DCHS1: variants seen among roughly 807,000 people sequenced by gnomAD.
DCHS1 encodes the protein dachsous cadherin-related 1.
Under a neutral mutation model 213.9 loss-of-function variants are expected in DCHS1, and 78 were observed. The ratio of observed to expected loss-of-function variants is 0.36; its 90% CI spans 0.30 to 0.44. The LOEUF is 0.44. Ranked by LOEUF, DCHS1 falls within the 20% of genes least tolerant of loss-of-function variation. The pLI, the probability that DCHS1 is intolerant of heterozygous loss-of-function variation, is 1.00. For synonymous variants in DCHS1, 1,828 were observed against 1,873.7 expected (o/e 0.98, Z 0.63); for missense variants, 3,946 against 4,395.9 (o/e 0.90, Z 2.89).
rs372381504 is a variant in DCHS1 at position 6,630,822 on chromosome 11, G to A, written c.3972C>T (p.Leu1324=). 10 of 1,533,198 alleles carry A rather than the reference G, an allele frequency of 6.5e-6. No individual in the cohort carries two copies. The highest frequency in any genetic ancestry group is 1.4e-5 in the African/African-American group (1 of 72,754). 95.0% of individuals were successfully genotyped at this position (1,533,198 alleles called of 1,614,324 possible). A position where few individuals can be genotyped will look rare whatever the true frequency, so the allele number is the denominator to read the frequency against. The stretch of plus-strand genomic sequence containing the variant: ...CTGGTGCCGCTGGGTCCCGCTCTGC[G>A]AGATCTGGGGGCGGCTCGGCCAAGC... ...SARLAEPPPD[L]AERDPAAPVP... is the part of the protein sequence containing the mutation. The change falls in exon 10 of 21, where the codon CTC becomes CTT. Residue 1324 remains leucine, a synonymous_variant. Transcript: ENST00000299441.
chr11:6,623,964 G>A lies in DCHS1; in HGVS notation c.7712C>T (p.Thr2571Ile). 6.2e-7 allele frequency: 1 copy of A among 1,609,456 alleles called. No individual in the cohort carries two copies. Among genetic ancestry groups the A allele is most frequent in the Admixed American group, 1.7e-5 (1 of 59,926 alleles). ...DFESLTQYNL[T>I]VAAADRGQPP... ...CTGCCCACGGTCAGCTGCAGCCACT[G>A]TTAGATTGTACTGTGTCAGGCTTTC... Residue 2571 changes from threonine to isoleucine, a missense_variant, in exon 21 of 21, where the codon ACA becomes ATA. Thr to Ile is a moderately conservative substitution (Grantham distance 89, BLOSUM62 -1). This residue lies in a region of DCHS1 where 3,384 missense variants were observed against 3,780.1 expected (regional missense o/e 0.90). Coordinates refer to ENST00000299441, the MANE Select transcript of DCHS1 (RefSeq NM_003737.4).
Position 6,630,047 on chromosome 11 carries a change from G to T in DCHS1, c.4747C>A (p.Arg1583=), listed in dbSNP as rs148882462. 4 of 1,559,974 alleles carry T rather than the reference G, an allele frequency of 2.6e-6. No homozygotes were observed. The highest frequency in any genetic ancestry group is 3.5e-6 in the Non-Finnish European group (4 of 1,149,720). Reference sequence around the variant, plus strand: ...TGGCCGTCCCCGCCAGATGCCAGCCGATAGGACACGCGTGCAGCCTCGCCC... The same window carrying T: ...TGGCCGTCCCCGCCAGATGCCAGCCTATAGGACACGCGTGCAGCCTCGCCC... The part of the protein sequence containing the change: ...DLGEAARVSY[R]LASGGDGHFR... Residue 1583 remains arginine (R), a synonymous_variant, in exon 10 of 21, where the codon CGG becomes AGG. Transcript: ENST00000299441.
chr11:6,629,458 G>A lies in DCHS1; in HGVS notation c.5155C>T (p.Leu1719=). The A allele has an allele frequency of 6.2e-7, 1 of 1,612,988 alleles. No homozygotes were observed. Among genetic ancestry groups the A allele is most frequent in the Non-Finnish European group, 8.5e-7 (1 of 1,179,482 alleles). ...LDREEQEEIN[L]TVYAQDRGSP... ...GGGTCCTGTCAACATGTACCTGTCA[G>A]GTTGATCTCCTCCTGTTCCTCTCGA... The change falls in exon 12 of 21, where the codon CTG becomes TTG. Residue 1719 remains leucine (L), a synonymous_variant. Coordinates refer to ENST00000299441, the MANE Select transcript of DCHS1 (RefSeq NM_003737.4).
At position 6,623,697 on chromosome 11, in the gene DCHS1, C is replaced by G. The variant is rs777817641; in HGVS notation, c.7979G>C (p.Arg2660Pro). ...CTCACAGTCCAGGGCATGGGCCAGT[C>G]GCAAGGTGCCTGAGCTCTCATCCAG... The part of the protein sequence containing the change: ...FELDESSGTL[R>P]LAHALDCETQ... Residue 2660 changes from arginine to proline, a missense_variant, in exon 21 of 21, where the codon CGA (arginine) becomes CCA (proline). Physicochemically the swap from Arg to Pro is moderately radical, Grantham distance 103. Transcript: ENST00000299441. The G allele has an allele frequency of 6.2e-7, 1 of 1,613,674 alleles. No individual in the cohort carries two copies. Among genetic ancestry groups the G allele is most frequent in the Non-Finnish European group, 8.5e-7 (1 of 1,179,888 alleles).
At chr11:6,643,883 G>T (rs1423010185) in intron 1 of DCHS1, among the ~76,000 whole-genome samples, 2 of 152,096 alleles carry the variant, frequency 1.3e-5, no homozygotes, top group Admixed American at 6.5e-5. Context: ...ATCCATCCAG[G>T]TGTCCAACTA....
At chr11:6,654,780 C>T (rs572692983) in intron 1 of DCHS1, among the ~76,000 whole-genome samples, 1 of 152,218 alleles carries the variant, frequency 6.6e-6, no homozygotes, top group East Asian at 1.9e-4. Context: ...ACATAAGCGA[C>T]AATATTTTTC....
chr11:6,624,508 C>G, intron 20 of DCHS1, 118 bp from the exon 21 acceptor site: 2 of 1,328,248 alleles, frequency 1.5e-6, no homozygotes, highest in African/African-American at 2.9e-5. Flanking sequence ...AATGGCCTAT[C>G]TGCTGGGAGA....
intron 19 of DCHS1, 81 bp from the exon 20 acceptor site, chr11:6,624,949 C>T (rs953123693): frequency 3.8e-6 from 6 of 1,574,836 alleles, no homozygotes; most frequent in Non-Finnish European, 5.2e-6. Context: ...AGCTTGGTTC[C>T]TTGTGCCCTG....
chr11:6,624,938 G>A, intron 19 of DCHS1, 70 bp from the exon 20 acceptor site: 5 of 1,591,666 alleles, frequency 3.1e-6, no homozygotes, highest in Non-Finnish European at 4.3e-6. Flanking sequence ...GCCTGTTCTG[G>A]AGCTTGGTTC....
Position 6,633,957 on chromosome 11 carries a change from G to C in DCHS1, c.2050C>G (p.Gln684Glu). 1 of 1,614,020 alleles carries C rather than the reference G, an allele frequency of 6.2e-7. No individual in the cohort carries two copies. Among genetic ancestry groups the C allele is most frequent in the Non-Finnish European group, 8.5e-7 (1 of 1,179,892 alleles). The change falls in exon 4 of 21, where the codon CAG becomes GAG. Residue 684 changes from glutamine (Q) to glutamate (E), a missense_variant. Around this residue, in one of 3 missense-constraint regions of DCHS1, gnomAD observed 3,384 missense variants for 3,780.1 expected, o/e 0.90. Transcript: ENST00000299441. ...FLSDENDNPP[Q>E]FYPREYAASI... ...GCAGCATACTCCCGTGGATAAAACT[G>C]AGGAGGGTTGTCATTCTCGTCTGAC... is the stretch of plus-strand genomic sequence containing the variant.
Position 6,634,017 on chromosome 11 carries a change from C to T in DCHS1, c.1990G>A (p.Gly664Ser). 6.2e-7 allele frequency: 1 copy of T among 1,613,582 alleles called. No homozygotes were observed. The highest frequency in any genetic ancestry group is 8.5e-7 in the Non-Finnish European group (1 of 1,179,640). The change falls in exon 4 of 21, where the codon GGC becomes AGC. Residue 664 changes from glycine to serine, a missense_variant. Physicochemically the swap from Gly to Ser is moderately conservative, Grantham distance 56 (BLOSUM62 0). Transcript: ENST00000299441. ...TTCACATATACCATGGACTTGAGGC[C>T]TCCCTGGTGGGACATGCAGCCATAG... ...DFTVTAVDGG[G>S]LKSMVYVKVF...
Position 6,626,048 on chromosome 11 carries a change from G to A in DCHS1, c.6603C>T (p.Gly2201=). ...LQVEADDLDQ[G]SGGQISYSLA... ...GACTGTAGGAAATCTGTCCTCCAGA[G>A]CCTTGATCCAGGTCATCCGCCTCCA... Residue 2201 remains glycine, a synonymous_variant, in exon 17 of 21, where the codon GGC becomes GGT. Transcript: ENST00000299441. The surrounding 1 kb of genome is among the most constrained non-coding windows in gnomAD (Gnocchi z 5.2). The A allele has an allele frequency of 6.2e-7, 1 of 1,611,684 alleles. No individual in the cohort carries two copies. Among genetic ancestry groups the A allele is most frequent in the Non-Finnish European group, 8.5e-7 (1 of 1,178,944 alleles).
At position 6,628,875 on chromosome 11, in the gene DCHS1, A is replaced by G; in HGVS notation, c.5162-45T>C. The G allele has an allele frequency of 6.4e-7, 1 of 1,571,092 alleles. No individual in the cohort carries two copies. The highest frequency in any genetic ancestry group is 2.3e-5 in the East Asian group (1 of 43,098). The stretch of plus-strand genomic sequence containing the variant: ...ATGAGGTCTAGTCTGCCCTCACCAC[A>G]TGGAGAAATCCACACCACACAGTGT... On this transcript the variant is annotated intron_variant, in intron 12 of 20. Coordinates refer to ENST00000299441, the MANE Select transcript of DCHS1 (RefSeq NM_003737.4). The surrounding 1 kb of genome is among the most constrained non-coding windows in gnomAD (Gnocchi z 4.3).
At chr11:6,653,573 A>T (rs1444308911) in intron 1 of DCHS1, among the ~76,000 whole-genome samples, 1 of 152,190 alleles carries the variant, frequency 6.6e-6, no homozygotes, top group Admixed American at 6.5e-5. Flanking sequence ...TGGGGTAATG[A>T]GTGTGAAGAA....
chr11:6,626,894 A>G lies in DCHS1; in HGVS notation c.6145T>C (p.Ser2049Pro). The G allele has an allele frequency of 6.2e-7, 1 of 1,613,514 alleles. No individual in the cohort carries two copies. Among genetic ancestry groups the G allele is most frequent in the Non-Finnish European group, 8.5e-7 (1 of 1,179,874 alleles). ...CCAACAATGATCACACCAGTGGCAG[A>G]GCGAGCTGGACGGCCAAGATCAGTG... ...VATDLGRPAR[S>P]ATGVIIVGLQ... The change falls in exon 14 of 21, where the codon TCT becomes CCT. Residue 2049 changes from serine (S) to proline (P), a missense_variant. Physicochemically the swap from Ser to Pro is moderately conservative, Grantham distance 74. Around this residue, in one of 3 missense-constraint regions of DCHS1, gnomAD observed 3,384 missense variants for 3,780.1 expected, o/e 0.90. Transcript: ENST00000299441. The surrounding 1 kb of genome is among the most constrained non-coding windows in gnomAD (Gnocchi z 5.2).
Position 6,630,458 on chromosome 11 carries a change from G to C in DCHS1, c.4336C>G (p.Pro1446Ala). ...FARDPLALAL[P>A]ENPEPGAALY... The stretch of plus-strand genomic sequence containing the variant: ...GCTGCGCCGGGCTCCGGGTTCTCTG[G>C]CAGCGCCAGCGCCAGCGGGTCGCGC... The change falls in exon 10 of 21, where the codon CCA (proline) becomes GCA (alanine). Residue 1446 changes from proline to alanine, a missense_variant. Coordinates refer to ENST00000299441, the MANE Select transcript of DCHS1 (RefSeq NM_003737.4). 1 of 1,517,766 alleles carries C rather than the reference G, an allele frequency of 6.6e-7. No homozygotes were observed. The highest frequency in any genetic ancestry group is 8.8e-7 in the Non-Finnish European group (1 of 1,138,198). 94.0% of individuals were successfully genotyped at this position (1,517,766 alleles called of 1,614,324 possible). A position where few individuals can be genotyped will look rare whatever the true frequency, so the allele number is the denominator to read the frequency against.
chr11:6,652,783 C>A (rs1055622647), intron 1 of DCHS1, among the ~76,000 whole-genome samples: 1 of 152,166 alleles, frequency 6.6e-6, no homozygotes, highest in East Asian at 1.9e-4. Context: ...AGCCAGAAGA[C>A]CAGGTTGTCC....
In DCHS1 at chr11:6,629,903, A is replaced by G; in HGVS notation, c.4804T>C (p.Ser1602Pro). 6.2e-7 allele frequency: 1 copy of G among 1,612,352 alleles called. No individual in the cohort carries two copies. Among genetic ancestry groups the G allele is most frequent in the Non-Finnish European group, 8.5e-7 (1 of 1,179,164 alleles). The change falls in exon 11 of 21, where the codon TCC (serine) becomes CCC (proline). Residue 1602 changes from serine (S) to proline (P), a missense_variant. This residue lies in a region of DCHS1 where 3,384 missense variants were observed against 3,780.1 expected (regional missense o/e 0.90). Transcript: ENST00000299441. ...FRLHSSTGAL[S>P]VVRPLDREQR... ...TCGCGGTCCAACGGCCGCACCACGG[A>G]CAGCGCTCCTAGGTGAGCGGTAAGG...
Position 6,630,119 on chromosome 11 carries a change from G to T in DCHS1, c.4675C>A (p.Pro1559Thr). Residue 1559 changes from proline to threonine, a missense_variant, in exon 10 of 21, where the codon CCG becomes ACG. Transcript: ENST00000299441. The part of the protein sequence containing the change: ...PSRVRLPEDQ[P>T]PGPAALHVVA... ...ACGTGCAGGGCCGCGGGCCCAGGCG[G>T]CTGGTCCTCTGGGAGGCGCACGCGT... 1 of 1,604,856 alleles carries T rather than the reference G, an allele frequency of 6.2e-7. No individual in the cohort carries two copies.
Sources: gnomAD v4.1 joint callset for allele counts (sites outside exome capture counted in the v4.1 genomes callset) on GRCh38, gnomAD v4.1.1 for gene constraint, gnomAD v4.1.1 regional missense constraint, Gnocchi (gnomAD v3.1) non-coding constraint, MANE v1.5 for transcripts, NCBI Gene and HGNC (gene_info 2026-07-23, HGNC 2026-07-21) for gene names.